The following SIPA1L3 variants were observed in gnomAD, a reference collection of about 807,000 sequenced individuals.
SIPA1L3 encodes the protein signal-induced proliferation-associated 1-like protein 3.
SIPA1L3 carries 59 observed loss-of-function variants against 150.1 expected under a neutral mutation model. The ratio of observed to expected loss-of-function variants is 0.39; its 90% CI spans 0.32 to 0.49. The LOEUF is 0.49. Ranked by LOEUF, SIPA1L3 falls within the 20% of genes least tolerant of loss-of-function variation. The pLI, the probability that SIPA1L3 is intolerant of heterozygous loss-of-function variation, is 0.86. For missense variants in SIPA1L3, 2,211 were observed against 2,489.5 expected (o/e 0.89, Z 2.38); for synonymous variants, 1,070 against 1,077.6 (o/e 0.99, Z 0.14).
intron 15 of SIPA1L3, among the ~76,000 whole-genome samples, chr19:38,174,410 G>A (rs1196622944): frequency 6.6e-6 from 1 of 152,162 alleles, no homozygotes; most frequent in Admixed American, 6.5e-5. Flanking sequence ...GGCCCTCGGG[G>A]TATGTGGGTG....
intron 1 of SIPA1L3, among the ~76,000 whole-genome samples, chr19:38,016,842 GTTTTCTGCTCCTTACCAGATACTTCT>G (rs1196718779): frequency 8.4e-6 from 1 of 119,436 alleles, no homozygotes; most frequent in Non-Finnish European, 1.7e-5. Flanking sequence ...GTTTGTAATT[GTTTTCTGCTCCTTACCAGATACTTCT>G]TTTTCTGCCT....
chr19:38,127,851 A>C (rs1374885169), intron 9 of SIPA1L3, among the ~76,000 whole-genome samples: 1 of 152,056 alleles, frequency 6.6e-6, no homozygotes, highest in Admixed American at 6.6e-5. Context: ...TAGTCCACTT[A>C]GCCTGAATAT....
chr19:38,071,334 G>A (rs949068967), intron 2 of SIPA1L3, among the ~76,000 whole-genome samples: 3 of 151,880 alleles, frequency 2.0e-5, no homozygotes, highest in Admixed American at 6.6e-5. Flanking sequence ...TTGCCCAGGC[G>A]GGAGTACAGT....
chr19:37,927,391 ATCCACCCACCTTGGTC>A (rs1743422023), intron 1 of SIPA1L3, among the ~76,000 whole-genome samples: 1 of 152,018 alleles, frequency 6.6e-6, no homozygotes, highest in African/African-American at 2.4e-5. Context: ...ACCTCAGGTG[ATCCACCCACCTTGGTC>A]TCCCAAAGTG....
intron 2 of SIPA1L3, among the ~76,000 whole-genome samples, chr19:38,065,264 A>G (rs1490002629): frequency 6.6e-6 from 1 of 152,048 alleles, no homozygotes; most frequent in Non-Finnish European, 1.5e-5. Flanking sequence ...GCCTTTGGAA[A>G]CATGCAAATT....
At chr19:37,994,319 T>A (rs910940801) in intron 1 of SIPA1L3, among the ~76,000 whole-genome samples, 1 of 152,180 alleles carries the variant, frequency 6.6e-6, no homozygotes, top group African/African-American at 2.4e-5. Context: ...AAGTGTGAAG[T>A]AAGCCGTAGC....
chr19:37,931,799 A>C (rs1292836724), intron 1 of SIPA1L3, among the ~76,000 whole-genome samples: 1 of 152,054 alleles, frequency 6.6e-6, no homozygotes, highest in Non-Finnish European at 1.5e-5. Context: ...AAAAACTGGA[A>C]CCTTGGAGCT....
chr19:38,166,668 G>A (rs1972218402), intron 15 of SIPA1L3, among the ~76,000 whole-genome samples: 1 of 152,070 alleles, frequency 6.6e-6, no homozygotes, highest in African/African-American at 2.4e-5. Flanking sequence ...TTGCTGTGCT[G>A]TAGTGTCCAG....
chr19:38,035,154 A>G (rs1200294082), intron 2 of SIPA1L3, among the ~76,000 whole-genome samples: 2 of 152,172 alleles, frequency 1.3e-5, no homozygotes, highest in African/African-American at 2.4e-5. Flanking sequence ...GAGATTCATC[A>G]AGGAGCCGTT....
At chr19:38,043,708 T>A (rs971415492) in intron 2 of SIPA1L3, among the ~76,000 whole-genome samples, 1 of 152,160 alleles carries the variant, frequency 6.6e-6, no homozygotes, top group Non-Finnish European at 1.5e-5. Context: ...TACCTCACCA[T>A]CCGTAATCAT....
In SIPA1L3 at chr19:37,979,415, G is replaced by T. The variant is rs181188473; in HGVS notation, c.-378-49674G>T. On this transcript the variant is annotated intron_variant, in intron 1 of 21. Transcript: ENST00000222345. ...AAAAAAAAAATACAAAAATTAGCTGGGCGTGATGGCACACACCTGTAATCC... is the reference window on the plus strand; with the variant it reads ...AAAAAAAAAATACAAAAATTAGCTGTGCGTGATGGCACACACCTGTAATCC... 7.2e-4 allele frequency among the ~76,000 whole-genome samples: 109 copies of T among 151,936 alleles called. No individual in the cohort carries two copies. The East Asian group carries it at 0.017, about 23-fold the overall frequency.
intron 1 of SIPA1L3, among the ~76,000 whole-genome samples, chr19:38,012,791 T>G (rs1266085316): frequency 1.3e-5 from 2 of 152,196 alleles, no homozygotes; most frequent in Non-Finnish European, 2.9e-5. Flanking sequence ...AGGTCAGCTT[T>G]GTTTTCCTGG....
intron 1 of SIPA1L3, among the ~76,000 whole-genome samples, chr19:37,923,658 C>G (rs960312522): frequency 6.6e-6 from 1 of 152,102 alleles, no homozygotes; most frequent in Non-Finnish European, 1.5e-5. Context: ...TTAGGCTACA[C>G]TAAATTTATT....
chr19:38,059,833 G>A (rs1568526182), intron 2 of SIPA1L3, among the ~76,000 whole-genome samples: 1 of 151,932 alleles, frequency 6.6e-6, no homozygotes, highest in Admixed American at 6.6e-5. Context: ...CTGGAGTGCA[G>A]TAGTGCAATC....
At chr19:38,142,751 G>A in intron 12 of SIPA1L3, 41 bp downstream of exon 12, 2 of 1,581,834 alleles carry the variant, frequency 1.3e-6, no homozygotes, top group Admixed American at 3.5e-5. Flanking sequence ...GGGATCTGAT[G>A]AAAGCTGTGC....
At chr19:38,124,879 G>A (rs1402091158) in intron 9 of SIPA1L3, among the ~76,000 whole-genome samples, 1 of 152,158 alleles carries the variant, frequency 6.6e-6, no homozygotes, top group Non-Finnish European at 1.5e-5. Context: ...GCGCGCGCCT[G>A]CAATCGCAGG....
intron 2 of SIPA1L3, among the ~76,000 whole-genome samples, chr19:38,078,432 A>G (rs1417538438): frequency 2.1e-5 from 3 of 141,614 alleles, no homozygotes; most frequent in Non-Finnish European, 4.5e-5. Flanking sequence ...ACACATGCGC[A>G]TACATGCACA....
intron 1 of SIPA1L3, among the ~76,000 whole-genome samples, chr19:38,002,564 C>T (rs184224517): frequency 6.6e-5 from 10 of 151,130 alleles, no homozygotes; most frequent in East Asian, 5.9e-4. Flanking sequence ...GAAACCCTGT[C>T]GGTACTAAAA....
intron 15 of SIPA1L3, among the ~76,000 whole-genome samples, chr19:38,167,985 G>A (rs1476158613): frequency 6.6e-6 from 1 of 152,134 alleles, no homozygotes; most frequent in Non-Finnish European, 1.5e-5. Context: ...ACACTGTGCT[G>A]GGAGCTGAGA....
Sources: gnomAD v4.1 joint callset for allele counts (sites outside exome capture counted in the v4.1 genomes callset) on GRCh38, gnomAD v4.1.1 for gene constraint, MANE v1.5 for transcripts, NCBI Gene and HGNC (gene_info 2026-07-23, HGNC 2026-07-21) for gene names.